The following SEMA6D variants were observed in gnomAD, a reference collection of about 807,000 sequenced individuals.
SEMA6D encodes the protein semaphorin 6D.
SEMA6D carries 35 observed loss-of-function variants against 106.6 expected under a neutral mutation model. The ratio of observed to expected loss-of-function variants is 0.33; its 90% CI spans 0.25 to 0.44. The LOEUF (loss-of-function observed/expected upper bound fraction) is 0.44, where lower values mean the gene tolerates loss of function less well. Among genes scored for constraint, SEMA6D ranks in the 20% least tolerant of loss-of-function variants. The pLI is 1.00. For synonymous variants in SEMA6D, 499 were observed against 487.7 expected (o/e 1.02, Z -0.31); for missense variants, 1,185 against 1,345.9 (o/e 0.88, Z 1.87).
intron 1 of SEMA6D, among the ~76,000 whole-genome samples, chr15:47,307,308 C>G (rs565221244): frequency 2.0e-5 from 3 of 152,144 alleles, no homozygotes; most frequent in Admixed American, 1.3e-4. Flanking sequence ...GCAAACCAAA[C>G]CTCTTAGAAT....
chr15:47,342,760 G>A (rs2037874144), intron 1 of SEMA6D, among the ~76,000 whole-genome samples: 1 of 151,940 alleles, frequency 6.6e-6, no homozygotes, highest in Admixed American at 6.6e-5. Context: ...ACCCAGGCTG[G>A]AGTGCAGTGG....
chr15:47,558,884 G>C (rs1350433509), intron 3 of SEMA6D, among the ~76,000 whole-genome samples: 1 of 152,068 alleles, frequency 6.6e-6, no homozygotes, highest in African/African-American at 2.4e-5. Context: ...ACAGAGAAGG[G>C]AAGTGGAGTG....
intron 2 of SEMA6D, among the ~76,000 whole-genome samples, chr15:47,419,776 C>T (rs187432496): frequency 2.0e-5 from 3 of 152,156 alleles, no homozygotes. Flanking sequence ...GACCTCAAGT[C>T]CCAGAGGATT....
intron 4 of SEMA6D, among the ~76,000 whole-genome samples, chr15:47,632,634 T>A (rs1298647040): frequency 1.3e-5 from 2 of 152,074 alleles, no homozygotes; most frequent in African/African-American, 4.8e-5. Context: ...ATCTTGTTTA[T>A]ATTTTTATTT....
intron 3 of SEMA6D, among the ~76,000 whole-genome samples, chr15:47,559,774 G>A (rs1393113201): frequency 6.6e-6 from 1 of 152,096 alleles, no homozygotes; most frequent in East Asian, 1.9e-4. Context: ...CATTCTCAGA[G>A]GCAATAGAAG....
rs373967446 is a variant in SEMA6D, at chr15:47,430,607, C to A, written c.-159+18135C>A. Among the ~76,000 whole-genome samples the A allele has an allele frequency of 2.0e-5, 3 of 151,988 alleles. No homozygotes were observed. In the East Asian group the frequency reaches 5.8e-4, roughly 29 times the overall value. ...CTGCACCTGGAAATACTAAGACAGA[C>A]CAGACAGACAGGAAGAAAACTTGAA... On this transcript the variant is annotated intron_variant, in intron 2 of 19. Coordinates refer to the SEMA6D transcript ENST00000558014.
intron 1 of SEMA6D, among the ~76,000 whole-genome samples, chr15:47,260,957 C>T (rs1400381454): frequency 1.3e-5 from 2 of 152,028 alleles, no homozygotes; most frequent in Admixed American, 6.6e-5. Context: ...GGAGGAGGGA[C>T]CTAAGGTACC....
At chr15:47,659,472 A>T (rs1566966820) in intron 4 of SEMA6D, among the ~76,000 whole-genome samples, 1 of 151,776 alleles carries the variant, frequency 6.6e-6, no homozygotes. Context: ...ATCAAATGTT[A>T]AAAAAAATTA....
chr15:47,319,945 C>A (rs1002671321), intron 1 of SEMA6D, among the ~76,000 whole-genome samples: 2 of 152,054 alleles, frequency 1.3e-5, no homozygotes, highest in African/African-American at 4.8e-5. Flanking sequence ...GTCACTGGTT[C>A]CCAGGGCACT....
chr15:47,187,534 T>A (rs183829093), intron 1 of SEMA6D, among the ~76,000 whole-genome samples: 14 of 152,304 alleles, frequency 9.2e-5, no homozygotes, highest in African/African-American at 3.1e-4. Context: ...CATTTTAAAA[T>A]AGTGGCTAAT....
At chr15:47,768,437 G>A (rs2082458991) in intron 17 of SEMA6D, 144 bp from the exon 18 acceptor site, 2 of 582,818 alleles carry the variant, frequency 3.4e-6, no homozygotes, top group Non-Finnish European at 2.9e-6. Flanking sequence ...GGAATTTGAT[G>A]TAGCTTCCTC....
intron 1 of SEMA6D, among the ~76,000 whole-genome samples, chr15:47,368,402 AATC>A (rs2039140405): frequency 6.6e-6 from 1 of 152,172 alleles, no homozygotes; most frequent in Non-Finnish European, 1.5e-5. Context: ...CACTCCACAC[AATC>A]CAGGCCACTC....
intron 1 of SEMA6D, among the ~76,000 whole-genome samples, chr15:47,233,060 T>G (rs1306617879): frequency 1.3e-5 from 2 of 152,056 alleles, no homozygotes; most frequent in Non-Finnish European, 2.9e-5. Context: ...CTTCTAAGAA[T>G]TTTATTATGC....
At chr15:47,380,944 C>G (rs186455610) in intron 1 of SEMA6D, among the ~76,000 whole-genome samples, 213 of 152,312 alleles carry the variant, frequency 1.4e-3, no homozygotes, top group Non-Finnish European at 2.3e-3. Context: ...ACCCATGACT[C>G]CAGTCTCTAG....
At chr15:47,632,425 G>T (rs943328611) in intron 4 of SEMA6D, among the ~76,000 whole-genome samples, 1 of 148,736 alleles carries the variant, frequency 6.7e-6, no homozygotes, top group African/African-American at 2.4e-5. Flanking sequence ...CTATAATTGT[G>T]CATTTGTTTA....
chr15:47,707,885 T>C (rs1272248107), intron 4 of SEMA6D, among the ~76,000 whole-genome samples: 5 of 152,212 alleles, frequency 3.3e-5, no homozygotes, highest in Non-Finnish European at 7.3e-5. Flanking sequence ...TTCCACCTCA[T>C]GTTTCTTTTA....
intron 2 of SEMA6D, among the ~76,000 whole-genome samples, chr15:47,459,191 C>A (rs1309708568): frequency 1.3e-5 from 2 of 152,036 alleles, no homozygotes; most frequent in Non-Finnish European, 2.9e-5. Flanking sequence ...AATTGAGTGA[C>A]CATGTTGGAG....
At chr15:47,672,846 A>C (rs562829222) in intron 4 of SEMA6D, among the ~76,000 whole-genome samples, 2 of 152,332 alleles carry the variant, frequency 1.3e-5, no homozygotes, top group East Asian at 3.9e-4. Flanking sequence ...ATATTTAATC[A>C]TATTAATAAT....
intron 1 of SEMA6D, among the ~76,000 whole-genome samples, chr15:47,383,060 G>A (rs191597806): frequency 1.8e-3 from 271 of 152,220 alleles, no homozygotes; most frequent in African/African-American, 5.5e-3. Flanking sequence ...GCCACCACCT[G>A]GTCCTAATTT....
Sources: allele counts gnomAD v4.1 joint callset (sites outside exome capture counted in the v4.1 genomes callset), GRCh38; gene constraint gnomAD v4.1.1; transcripts MANE v1.5; gene names NCBI Gene and HGNC (gene_info 2026-07-23, HGNC 2026-07-21).